Variants in ITGB3 observed in about 807,000 individuals in gnomAD.
The protein encoded by ITGB3 is integrin beta-3.
ITGB3 carries 48 observed loss-of-function variants against 85.8 expected under a neutral mutation model. The ratio of observed to expected loss-of-function variants is 0.56; its 90% CI spans 0.44 to 0.71. The LOEUF (loss-of-function observed/expected upper bound fraction) is 0.71, where lower values mean the gene tolerates loss of function less well. Among genes scored for constraint, ITGB3 ranks in the 30% least tolerant of loss-of-function variants. The probability of loss-of-function intolerance (pLI) is 0.00; values close to 1 mark genes in which losing one functional copy is unlikely to be tolerated. For synonymous variants in ITGB3, 363 were observed against 395.6 expected (o/e 0.92, Z 0.98); for missense variants, 861 against 1,019.1 (o/e 0.84, Z 2.11).
intron 1 of ITGB3, among the ~76,000 whole-genome samples, chr17:47,266,968 C>T (rs990630065): frequency 1.1e-4 from 17 of 152,172 alleles, no homozygotes; most frequent in Non-Finnish European, 2.5e-4. Context: ...CACGCTCCCA[C>T]GACTCCTTCT....
In ITGB3 at chr17:47,289,731, C is replaced by G; in HGVS notation, c.990C>G (p.Ile330Met). Residue 330 changes from isoleucine (I) to methionine (M), a missense_variant, in exon 7 of 15, where the codon ATC (isoleucine) becomes ATG (methionine). By Grantham distance (10) the Ile-to-Met change is conservative. Transcript: ENST00000559488. The stretch of plus-strand genomic sequence containing the variant: ...CTGAGAAGCTATCCCAGAAAAACAT[C>G]AATTTGATCTTTGCAGTGACTGAAA... ...LMTEKLSQKN[I>M]NLIFAVTENV... 1 of 1,614,100 alleles carries G rather than the reference C, an allele frequency of 6.2e-7. No individual in the cohort carries two copies. Among genetic ancestry groups the G allele is most frequent in the Non-Finnish European group, 8.5e-7 (1 of 1,179,940 alleles).
intron 12 of ITGB3, 96 bp from the exon 13 acceptor site, chr17:47,302,625 A>G (rs1176548078): frequency 1.4e-6 from 2 of 1,475,112 alleles, no homozygotes; most frequent in Non-Finnish European, 1.9e-6. Context: ...GTTTCCTGTC[A>G]CATACTTCCC....
intron 1 of ITGB3, among the ~76,000 whole-genome samples, chr17:47,256,403 ACT>A (rs1165535695): frequency 6.6e-6 from 1 of 151,542 alleles, no homozygotes; most frequent in African/African-American, 2.4e-5. Flanking sequence ...CTAGCCCCAC[ACT>A]CTCTCTGAGA....
chr17:47,286,041 C>G, intron 4 of ITGB3, among the ~76,000 whole-genome samples: 1 of 152,188 alleles, frequency 6.6e-6, no homozygotes, highest in Non-Finnish European at 1.5e-5. Flanking sequence ...GTTTCCAGCT[C>G]AATCTCTTAT....
At chr17:47,260,848 TA>T (rs1598677550) in intron 1 of ITGB3, among the ~76,000 whole-genome samples, 3 of 152,052 alleles carry the variant, frequency 2.0e-5, no homozygotes, top group African/African-American at 7.2e-5. Flanking sequence ...AATTGACAAA[TA>T]AAAATTATGT....
At chr17:47,264,750 TG>T (rs2065019916) in intron 1 of ITGB3, among the ~76,000 whole-genome samples, 1 of 152,234 alleles carries the variant, frequency 6.6e-6, no homozygotes, top group African/African-American at 2.4e-5. Flanking sequence ...CTGGAATGTC[TG>T]TGCCTTGGAT....
intron 9 of ITGB3, 109 bp downstream of exon 9, chr17:47,291,197 A>G (rs2065124295): frequency 4.7e-6 from 6 of 1,272,314 alleles, no homozygotes; most frequent in Non-Finnish European, 6.8e-6. Context: ...GAAAAAAAAT[A>G]TGGGCAAGAA....
At chr17:47,276,784 C>G (rs946645630) in intron 2 of ITGB3, among the ~76,000 whole-genome samples, 12 of 152,098 alleles carry the variant, frequency 7.9e-5, no homozygotes, top group African/African-American at 2.9e-4. Context: ...GCAGGGCTTC[C>G]CCTGGATAGG....
At chr17:47,308,160 A>AAATAATAGTAAT (rs368542936) in intron 14 of ITGB3, among the ~76,000 whole-genome samples, 1 of 138,546 alleles carries the variant, frequency 7.2e-6, no homozygotes, top group African/African-American at 2.8e-5. Context: ...TCGGTCTCAA[A>AAATAATAGTAAT]AATAATAATA....
At chr17:47,291,243 T>G in intron 9 of ITGB3, 155 bp downstream of exon 9, 1 of 804,886 alleles carries the variant, frequency 1.2e-6, no homozygotes, top group Admixed American at 2.2e-5. Context: ...AAGTTAGATG[T>G]AATGGATCCA....
In ITGB3 at chr17:47,284,686, C is replaced by T. The variant is rs780370658; in HGVS notation, c.605C>T (p.Pro202Leu). The T allele has an allele frequency of 1.9e-6, 3 of 1,614,032 alleles. No homozygotes were observed. The highest frequency in any genetic ancestry group is 1.7e-5 in the Admixed American group (1 of 60,004). The change falls in exon 4 of 15, where the codon CCC (proline) becomes CTC (leucine). Residue 202 changes from proline (P) to leucine (L), a missense_variant. Coordinates refer to ENST00000559488, the MANE Select transcript of ITGB3 (RefSeq NM_000212.3). ...TCCCCACCAGAGGCCCTCGAAAACC[C>T]CTGCTATGAGTAAGTCCCTCCTCCA... Reference protein sequence around the residue: ...YISPPEALENPCYDMKTTCLP... With the variant: ...YISPPEALENLCYDMKTTCLP...
intron 10 of ITGB3, among the ~76,000 whole-genome samples, chr17:47,294,398 G>C (rs1023218266): frequency 6.6e-6 from 1 of 152,226 alleles, no homozygotes; most frequent in Non-Finnish European, 1.5e-5. Flanking sequence ...TTCCTGGTCT[G>C]GTGTGAGGCA....
At chr17:47,264,901 G>A (rs545552026) in intron 1 of ITGB3, among the ~76,000 whole-genome samples, 1 of 152,000 alleles carries the variant, frequency 6.6e-6, no homozygotes, top group African/African-American at 2.4e-5. Flanking sequence ...TACAGCATTT[G>A]CCACTGTTTG....
At chr17:47,291,266 T>C in intron 9 of ITGB3, 178 bp downstream of exon 9, 1 of 687,304 alleles carries the variant, frequency 1.5e-6, no homozygotes, top group Admixed American at 2.6e-5. Flanking sequence ...AATCTTTTCC[T>C]CTGAGGCTTC....
chr17:47,304,395 AAC>A (rs2065179202), intron 13 of ITGB3, among the ~76,000 whole-genome samples: 2 of 152,236 alleles, frequency 1.3e-5, no homozygotes, highest in Non-Finnish European at 1.5e-5. Context: ...CAGTAAAGAC[AAC>A]ACTGCCAAAA....
At chr17:47,267,938 T>A (rs929164804) in intron 1 of ITGB3, among the ~76,000 whole-genome samples, 14 of 152,248 alleles carry the variant, frequency 9.2e-5, no homozygotes, top group Non-Finnish European at 2.1e-4. Flanking sequence ...AGAGGTTTAA[T>A]TGACTCACAG....
chr17:47,277,506 G>A (rs1160427573), intron 2 of ITGB3, among the ~76,000 whole-genome samples: 1 of 152,156 alleles, frequency 6.6e-6, no homozygotes, highest in Non-Finnish European at 1.5e-5. Context: ...GAGCCCAGGA[G>A]TTTGAGGCAA....
At chr17:47,258,214 TC>T (rs1265323539) in intron 1 of ITGB3, among the ~76,000 whole-genome samples, 1 of 152,166 alleles carries the variant, frequency 6.6e-6, no homozygotes, top group Non-Finnish European at 1.5e-5. Context: ...TGCTCCCTCT[TC>T]CTGAACCTTG....
At chr17:47,267,181 G>A (rs977660866) in intron 1 of ITGB3, among the ~76,000 whole-genome samples, 1 of 152,158 alleles carries the variant, frequency 6.6e-6, no homozygotes, top group Non-Finnish European at 1.5e-5. Flanking sequence ...TACAGGGTTT[G>A]GTTTATTTCA....
Sources: gnomAD v4.1 joint callset for allele counts (sites outside exome capture counted in the v4.1 genomes callset) on GRCh38, gnomAD v4.1.1 for gene constraint, MANE v1.5 for transcripts, NCBI Gene and HGNC (gene_info 2026-07-23, HGNC 2026-07-21) for gene names.